Variants in FLI1 observed in about 807,000 individuals in gnomAD.
FLI1 encodes the protein Fli-1 proto-oncogene, ETS transcription factor, also known as Friend leukemia integration 1 transcription factor.
FLI1 carries 13 observed loss-of-function variants against 53.1 expected under a neutral mutation model. The ratio of observed to expected loss-of-function variants is 0.24; its 90% CI spans 0.16 to 0.39. The LOEUF is 0.39. Ranked by LOEUF, FLI1 falls within the 10% of genes least tolerant of loss-of-function variation. The probability of loss-of-function intolerance (pLI) is 1.00; values close to 1 mark genes in which losing one functional copy is unlikely to be tolerated. For synonymous variants in FLI1, 244 were observed against 236.7 expected, an observed-to-expected ratio of 1.03 and a Z score of -0.28; for missense variants, 424 against 600.5, an observed-to-expected ratio of 0.71 and a Z score of 3.07.
At chr11:128,761,074 T>C (rs1205780276) in intron 2 of FLI1, among the ~76,000 whole-genome samples, 1 of 152,208 alleles carries the variant, frequency 6.6e-6, no homozygotes. Flanking sequence ...GCCCTTAGTG[T>C]GGCCCCACCA....
chr11:128,723,686 C>T (rs552620909), intron 1 of FLI1, among the ~76,000 whole-genome samples: 6 of 152,266 alleles, frequency 3.9e-5, no homozygotes, highest in Admixed American at 3.3e-4. Context: ...TTATTGAATA[C>T]CTACTATCCT....
At chr11:128,717,356 T>G (rs954799716) in intron 1 of FLI1, among the ~76,000 whole-genome samples, 1 of 152,166 alleles carries the variant, frequency 6.6e-6, no homozygotes, top group Non-Finnish European at 1.5e-5. Flanking sequence ...TGCTATCGTG[T>G]GACATTTATT....
In FLI1 at chr11:128,749,488, C is replaced by T. The variant is rs181463298; in HGVS notation, c.19-8627C>T. Among the ~76,000 whole-genome samples the T allele has an allele frequency of 5.3e-5, 8 of 152,236 alleles. No individual in the cohort carries two copies. In the East Asian group the frequency reaches 5.8e-4, roughly 11 times the overall value. ...CCTCACAGCATGGTGGCGATTTCCA[C>T]GGACTAGAGGCCCAAGAGAGAACAA... On this transcript the variant is annotated intron_variant, in intron 1 of 8. Coordinates refer to ENST00000527786, the MANE Select transcript of FLI1 (RefSeq NM_002017.5).
chr11:128,779,021 C>T (rs1591806212), intron 4 of FLI1, among the ~76,000 whole-genome samples: 1 of 152,338 alleles, frequency 6.6e-6, no homozygotes. Context: ...AAACTTGAAC[C>T]AAGAACAGTC....
chr11:128,709,002 C>T (rs776430610), intron 1 of FLI1, among the ~76,000 whole-genome samples: 1 of 152,176 alleles, frequency 6.6e-6, no homozygotes, highest in South Asian at 2.1e-4. Context: ...TGGCAGTAAA[C>T]CTCTGGAGTA....
chr11:128,798,894 C>G (rs1387647720), intron 5 of FLI1, among the ~76,000 whole-genome samples: 1 of 152,130 alleles, frequency 6.6e-6, no homozygotes, highest in African/African-American at 2.4e-5. Flanking sequence ...ATGCCTGGGC[C>G]TAACAGCCAG....
At chr11:128,695,332 G>T (rs1938015340) in intron 1 of FLI1, among the ~76,000 whole-genome samples, 3 of 152,234 alleles carry the variant, frequency 2.0e-5, no homozygotes, top group African/African-American at 7.2e-5. Flanking sequence ...GGCCTTAGAG[G>T]ACCTAGGGGA....
intron 1 of FLI1, among the ~76,000 whole-genome samples, chr11:128,705,291 C>A (rs1170335900): frequency 6.6e-6 from 1 of 152,194 alleles, no homozygotes; most frequent in Non-Finnish European, 1.5e-5. Context: ...GGTAAGAAAG[C>A]CTGCCTGGCT....
chr11:128,699,169 T>C (rs1938216081), intron 1 of FLI1, among the ~76,000 whole-genome samples: 2 of 152,222 alleles, frequency 1.3e-5, no homozygotes, highest in African/African-American at 4.8e-5. Flanking sequence ...AACAATTGCA[T>C]TAAAAAAGAT....
intron 1 of FLI1, among the ~76,000 whole-genome samples, chr11:128,746,017 C>G (rs1045874746): frequency 1.3e-5 from 2 of 152,188 alleles, no homozygotes; most frequent in Non-Finnish European, 2.9e-5. Flanking sequence ...GAACAAGAAA[C>G]AGTCACTGGG....
intron 3 of FLI1, among the ~76,000 whole-genome samples, chr11:128,769,187 G>A (rs971028509): frequency 2.0e-5 from 3 of 152,166 alleles, no homozygotes; most frequent in Non-Finnish European, 4.4e-5. Context: ...CCATTGGCTG[G>A]ACACTCCACC....
upstream of FLI1, among the ~76,000 whole-genome samples, chr11:128,685,388 C>T (rs1158545912): frequency 2.0e-5 from 3 of 152,208 alleles, no homozygotes; most frequent in African/African-American, 7.2e-5. Flanking sequence ...TGCCCACTTG[C>T]GTCCGATCCT....
intron 5 of FLI1, chr11:128,803,961 GTCTC>G (rs1555126756): frequency 6.6e-6 from 1 of 152,226 alleles, no homozygotes; most frequent in African/African-American, 2.4e-5. Context: ...GTGGAGGTTT[GTCTC>G]TCTCTTTTGT....
chr11:128,802,306 A>T (rs1166462835), intron 5 of FLI1, among the ~76,000 whole-genome samples: 1 of 152,208 alleles, frequency 6.6e-6, no homozygotes, highest in Non-Finnish European at 1.5e-5. Context: ...CGAGCCCCAG[A>T]GCCTACGGAG....
chr11:128,813,102 G>A lies in FLI1; in HGVS notation c.*2114G>A. On this transcript the variant is annotated 3_prime_UTR_variant, in exon 9 of 9. Coordinates refer to ENST00000527786, the MANE Select transcript of FLI1 (RefSeq NM_002017.5). ...TTGTCTCCAGTTTTTTTTTAATCTTGCACCCTGCCATTTAAAAAGATGTGT... is the reference window on the plus strand; with the variant it reads ...TTGTCTCCAGTTTTTTTTTAATCTTACACCCTGCCATTTAAAAAGATGTGT... 6.1e-6 allele frequency: 1 copy of A among 163,628 alleles called. No homozygotes were observed. The highest frequency in any genetic ancestry group is 1.3e-5 in the Non-Finnish European group (1 of 75,152). The allele number at this position is 163,628 out of a possible 1,614,324, so 10.1% of individuals were successfully genotyped here. A position where few individuals can be genotyped will look rare whatever the true frequency, so the allele number is the denominator to read the frequency against.
At chr11:128,757,092 C>CTTTCTTTCTTTCTTTCTTT (rs1940916764) in intron 1 of FLI1, among the ~76,000 whole-genome samples, 2 of 146,888 alleles carry the variant, frequency 1.4e-5, no homozygotes, top group African/African-American at 5.2e-5. Context: ...TTCTTTCTTT[C>CTTTCTTTCTTTCTTTCTTT]TTTCTTTCTT....
At chr11:128,808,460 T>A (rs1294805315) in intron 7 of FLI1, among the ~76,000 whole-genome samples, 1 of 152,072 alleles carries the variant, frequency 6.6e-6, no homozygotes, top group Non-Finnish European at 1.5e-5. Context: ...AACACATACG[T>A]TTTGAGGAAA....
intron 6 of FLI1, 195 bp downstream of exon 6, chr11:128,805,626 T>A: frequency 1.8e-6 from 1 of 543,228 alleles, no homozygotes; most frequent in Non-Finnish European, 3.3e-6. Context: ...TTCGTTTAGA[T>A]TTTTGAGTTT....
Position 128,694,139 on chromosome 11 carries a change from GCAGGGAGGGCCCAGGGCGC to G in FLI1, c.-111_-93del. 9.1e-7 allele frequency: 1 copy of G among 1,095,390 alleles called. No individual in the cohort carries two copies. 67.9% of individuals were successfully genotyped at this position (1,095,390 alleles called of 1,614,324 possible). A position where few individuals can be genotyped will look rare whatever the true frequency, so the allele number is the denominator to read the frequency against. ...AGGGCAGGGCGCTCGCAGGGGGCAC[GCAGGGAGGGCCCAGGGCGC>G]CAGGGAGGCCGCGCCGGGCTAATCC... On this transcript the variant is annotated 5_prime_UTR_variant, in exon 1 of 9. Coordinates refer to ENST00000527786, the MANE Select transcript of FLI1 (RefSeq NM_002017.5).
Sources: allele counts gnomAD v4.1 joint callset (sites outside exome capture counted in the v4.1 genomes callset), GRCh38; gene constraint gnomAD v4.1.1; transcripts MANE v1.5; gene names NCBI Gene and HGNC (gene_info 2026-07-23, HGNC 2026-07-21).